The following ZNF107 variants were observed in gnomAD, a reference collection of about 807,000 sequenced individuals.
ZNF107 encodes zinc finger protein 107.
In ZNF107, 19 loss-of-function variants were observed where a neutral mutation model predicts 12.3. The observed-to-expected ratio is 1.55, with a 90% CI of 1.08 to 2.27. The LOEUF (loss-of-function observed/expected upper bound fraction) is 2.27. Ranked by LOEUF, ZNF107 falls within the 30% of genes most tolerant of loss-of-function variation. The pLI is 0.00. For missense variants in ZNF107, 958 were observed against 979.9 expected (o/e 0.98, Z 0.30); for synonymous variants, 317 against 330.5 (o/e 0.96, Z 0.44).
chr7:64,702,757 A>C (rs1361234231), intron 3 of ZNF107, among the ~76,000 whole-genome samples: 2 of 151,684 alleles, frequency 1.3e-5, no homozygotes, highest in Non-Finnish European at 2.9e-5. Context: ...GGGTTTCTCC[A>C]TGTTGGTCAG....
At chr7:64,696,952 T>C (rs2128964891) in intron 3 of ZNF107, among the ~76,000 whole-genome samples, 1 of 152,284 alleles carries the variant, frequency 6.6e-6, no homozygotes, top group East Asian at 1.9e-4. Flanking sequence ...TATCTCCTAA[T>C]GCTATCCCTC....
chr7:64,688,796 C>T (rs572157209), intron 1 of ZNF107, among the ~76,000 whole-genome samples: 1 of 152,186 alleles, frequency 6.6e-6, no homozygotes, highest in Non-Finnish European at 1.5e-5. Context: ...TCTCTTGAAA[C>T]TGCTTGCTAT....
chr7:64,669,172 T>A (rs927330911), intron 1 of ZNF107: 2 of 151,784 alleles, frequency 1.3e-5, no homozygotes, highest in Non-Finnish European at 2.9e-5. Context: ...TGCACCACCA[T>A]GCCCAGGTAA....
rs755117930 is a variant in ZNF107, at chr7:64,707,689, A to G, written c.1592A>G (p.His531Arg). The G allele has an allele frequency of 5.0e-6, 8 of 1,612,780 alleles. No individual in the cohort carries two copies. The highest frequency in any genetic ancestry group is 6.8e-6 in the Non-Finnish European group (8 of 1,179,686). The change falls in exon 4 of 4, where the codon CAT becomes CGT. Residue 531 changes from histidine to arginine, a missense_variant. His to Arg is a conservative substitution (Grantham distance 29, BLOSUM62 0). Transcript: ENST00000620827. ...AACCTTACTGAACATAAGAAAATTCATACTGGAGAGAAACCCTATAAATGT... is the reference window on the plus strand; with the variant it reads ...AACCTTACTGAACATAAGAAAATTCGTACTGGAGAGAAACCCTATAAATGT... ...SSNLTEHKKI[H>R]TGEKPYKCEE...
At chr7:64,672,032 C>T (rs1012451751) in intron 1 of ZNF107, among the ~76,000 whole-genome samples, 11 of 151,878 alleles carry the variant, frequency 7.2e-5, no homozygotes, top group African/African-American at 2.7e-4. Flanking sequence ...GTGATCCACC[C>T]GCCTCGGCCT....
chr7:64,696,094 G>A (rs1042240716), intron 3 of ZNF107, among the ~76,000 whole-genome samples: 17 of 151,152 alleles, frequency 1.1e-4, no homozygotes, highest in African/African-American at 3.9e-4. Context: ...ATGGAGTCTC[G>A]CTCTGTTGCC....
At chr7:64,698,275 A>C (rs1554349724) in intron 3 of ZNF107, among the ~76,000 whole-genome samples, 1 of 152,054 alleles carries the variant, frequency 6.6e-6, no homozygotes, top group Non-Finnish European at 1.5e-5. Flanking sequence ...TTTATTGTTC[A>C]GTTTTAAGAG....
intron 1 of ZNF107, chr7:64,686,719 C>A: frequency 1.1e-6 from 1 of 904,686 alleles, no homozygotes; most frequent in Non-Finnish European, 1.3e-6. Flanking sequence ...GGTTTCTGTT[C>A]CAACTGGTTG....
At chr7:64,679,663 G>A (rs1207579784) in intron 1 of ZNF107, among the ~76,000 whole-genome samples, 1 of 152,114 alleles carries the variant, frequency 6.6e-6, no homozygotes, top group African/African-American at 2.4e-5. Flanking sequence ...GTGTCCTTAG[G>A]AATCTAAAAC....
At chr7:64,674,353 A>G (rs762823423) in intron 1 of ZNF107, among the ~76,000 whole-genome samples, 10 of 152,086 alleles carry the variant, frequency 6.6e-5, no homozygotes, top group Non-Finnish European at 1.3e-4. Context: ...GTATTCCTAA[A>G]TATTCTTTTT....
chr7:64,686,850 C>G (rs1789937068), intron 1 of ZNF107: 9 of 976,932 alleles, frequency 9.2e-6, no homozygotes, highest in Non-Finnish European at 1.1e-5. Flanking sequence ...ATTCAGCCCA[C>G]TAACACCCAA....
Position 64,708,727 on chromosome 7 carries a change from T to C in ZNF107, c.*71T>C. On this transcript the variant is annotated 3_prime_UTR_variant, in exon 4 of 4. Transcript: ENST00000620827. ...GAAACTACAAATGTGAAGAATGTGT[T>C]AAAGCCTTTAACAAGTCTTCAACTT... The C allele has an allele frequency of 6.9e-7, 1 of 1,441,686 alleles. No homozygotes were observed. Among genetic ancestry groups the C allele is most frequent in the South Asian group, 1.4e-5 (1 of 73,948 alleles). 89.3% of individuals were successfully genotyped at this position (1,441,686 alleles called of 1,614,324 possible).
chr7:64,672,791 T>C (rs1478069907), intron 1 of ZNF107, among the ~76,000 whole-genome samples: 1 of 152,250 alleles, frequency 6.6e-6, no homozygotes, highest in Non-Finnish European at 1.5e-5. Context: ...TTTATATTTC[T>C]TTGGGTATAA....
intron 1 of ZNF107, among the ~76,000 whole-genome samples, chr7:64,672,142 T>G (rs1294786524): frequency 6.6e-6 from 1 of 152,010 alleles, no homozygotes; most frequent in Non-Finnish European, 1.5e-5. Context: ...GTTGTTCCCC[T>G]CTTTGTGTCC....
In ZNF107 at chr7:64,708,685, A is replaced by C. The variant is rs201681871; in HGVS notation, c.*29A>C. Reference sequence around the variant, plus strand: ...ATCCTACAAGCTTACTACACATAGGAAAATTCATACTGGAGAGAAACTACA... The same window carrying C: ...ATCCTACAAGCTTACTACACATAGGCAAATTCATACTGGAGAGAAACTACA... On this transcript the variant is annotated 3_prime_UTR_variant, in exon 4 of 4. Coordinates refer to ENST00000620827, the MANE Select transcript of ZNF107 (RefSeq NM_001282359.2). The C allele has an allele frequency of 3.0e-5, 47 of 1,557,492 alleles. No individual in the cohort carries two copies. The South Asian group carries it at 3.7e-4, about 12-fold the overall frequency.
intron 1 of ZNF107, among the ~76,000 whole-genome samples, chr7:64,671,938 A>G: frequency 6.6e-6 from 1 of 151,622 alleles, no homozygotes; most frequent in African/African-American, 2.4e-5. Context: ...CCCGCCACCA[A>G]GCCCAGCTAA....
intron 1 of ZNF107, among the ~76,000 whole-genome samples, chr7:64,682,580 C>T (rs1376923278): frequency 1.3e-5 from 2 of 152,158 alleles, no homozygotes; most frequent in East Asian, 3.9e-4. Context: ...CAGTTGGGGT[C>T]CTAACACAAG....
intron 1 of ZNF107, among the ~76,000 whole-genome samples, chr7:64,673,288 C>T (rs1439440216): frequency 2.6e-5 from 4 of 152,184 alleles, no homozygotes; most frequent in African/African-American, 4.8e-5. Flanking sequence ...GTGATCCACC[C>T]GCCTTGGCCT....
At chr7:64,697,845 C>A (rs191777217) in intron 3 of ZNF107, among the ~76,000 whole-genome samples, 2 of 152,124 alleles carry the variant, frequency 1.3e-5, no homozygotes, top group Admixed American at 1.3e-4. Flanking sequence ...GCGCCCGCCA[C>A]CACGCCCGGC....
Sources: gnomAD v4.1 joint callset for allele counts (sites outside exome capture counted in the v4.1 genomes callset) on GRCh38, gnomAD v4.1.1 for gene constraint, MANE v1.5 for transcripts, NCBI Gene and HGNC (gene_info 2026-07-23, HGNC 2026-07-21) for gene names.